The following FSHR variants were observed in gnomAD, a reference collection of about 807,000 sequenced individuals.
FSHR encodes follicle-stimulating hormone receptor.
In FSHR, 46 loss-of-function variants were observed where a neutral mutation model predicts 52.1. The ratio of observed to expected loss-of-function variants is 0.88; its 90% CI spans 0.70 to 1.13. The LOEUF is 1.13. Among genes scored for constraint, FSHR ranks in the 50% most tolerant of loss-of-function variants. The pLI is 0.00. For synonymous variants in FSHR, 399 were observed against 309.6 expected (o/e 1.29, Z -3.03); for missense variants, 964 against 834.6 (o/e 1.16, Z -1.91).
In FSHR at chr2:49,151,923, C is replaced by G. The variant is rs373899141; in HGVS notation, c.152+2343G>C. On this transcript the variant is annotated intron_variant, in intron 1 of 9. Transcript: ENST00000406846. ...TATCTACTCTTCAGTGATTAACACA[C>G]TGACCTGAAATAATTTTCCTTTTTT... 2.0e-5 allele frequency among the ~76,000 whole-genome samples: 3 copies of G among 152,232 alleles called. No individual in the cohort carries two copies. The East Asian group carries it at 5.8e-4, about 29-fold the overall frequency.
At chr2:49,042,367 A>G (rs576735197) in intron 2 of FSHR, among the ~76,000 whole-genome samples, 2 of 152,210 alleles carry the variant, frequency 1.3e-5, no homozygotes, top group African/African-American at 2.4e-5. Context: ...AGATTTTTGC[A>G]TGCTAAAGAA....
chr2:49,112,390 T>C (rs1335975613), intron 1 of FSHR, among the ~76,000 whole-genome samples: 6 of 152,290 alleles, frequency 3.9e-5, no homozygotes, highest in African/African-American at 9.6e-5. Flanking sequence ...TGTTTTAAAA[T>C]AATGCAGTAG....
chr2:49,034,704 C>T (rs72877835), intron 2 of FSHR, among the ~76,000 whole-genome samples: 4,824 of 152,212 alleles, frequency 0.032, 253 homozygotes, highest in African/African-American at 0.11. Context: ...TTTTCTTTGA[C>T]GATACTGCGA....
intron 5 of FSHR, among the ~76,000 whole-genome samples, chr2:48,990,071 G>A (rs909368912): frequency 2.6e-5 from 4 of 151,994 alleles, no homozygotes; most frequent in African/African-American, 9.7e-5. Context: ...TCACTATTGG[G>A]AATAGTTGCC....
chr2:49,075,302 A>G (rs1185311148), intron 1 of FSHR, among the ~76,000 whole-genome samples: 1 of 152,188 alleles, frequency 6.6e-6, no homozygotes, highest in Non-Finnish European at 1.5e-5. Context: ...ATAAATATGT[A>G]CAATTATTAT....
At chr2:49,068,680 T>C (rs901716744) in intron 1 of FSHR, among the ~76,000 whole-genome samples, 11 of 152,092 alleles carry the variant, frequency 7.2e-5, no homozygotes, top group African/African-American at 2.2e-4. Flanking sequence ...CAGCTGACCT[T>C]GCCTTCTATT....
intron 4 of FSHR, among the ~76,000 whole-genome samples, chr2:48,998,926 T>C (rs1676141632): frequency 6.6e-6 from 1 of 152,078 alleles, no homozygotes; most frequent in Non-Finnish European, 1.5e-5. Flanking sequence ...CTTTAAAATA[T>C]TATTTTTGTG....
At chr2:49,079,171 GA>G (rs566428975) in intron 1 of FSHR, among the ~76,000 whole-genome samples, 90 of 151,656 alleles carry the variant, frequency 5.9e-4, no homozygotes, top group South Asian at 1.0e-3. Context: ...ATTAGTCTAA[GA>G]AAAAAACAGG....
At chr2:49,123,987 C>A (rs541350314) in intron 1 of FSHR, among the ~76,000 whole-genome samples, 1 of 151,308 alleles carries the variant, frequency 6.6e-6, no homozygotes, top group East Asian at 1.9e-4. Context: ...TTGAGTTTTT[C>A]TTTCTTTTTT....
chr2:49,068,171 C>T, intron 2 of FSHR, 48 bp downstream of exon 2: 1 of 1,460,556 alleles, frequency 6.8e-7, no homozygotes, highest in Non-Finnish European at 9.6e-7. Flanking sequence ...GAGGTTGCTC[C>T]CTATAGCCCC....
At chr2:48,964,006 T>C (rs1674360721) in intron 9 of FSHR, 40 bp from the exon 10 acceptor site, 1 of 1,581,722 alleles carries the variant, frequency 6.3e-7, no homozygotes. Context: ...ACATCTCAGA[T>C]CCAGTATAGC....
intron 2 of FSHR, among the ~76,000 whole-genome samples, chr2:49,032,836 C>T (rs1300714754): frequency 6.6e-6 from 1 of 152,090 alleles, no homozygotes; most frequent in East Asian, 1.9e-4. Context: ...CTGTGAATAG[C>T]CACCCCCTTC....
chr2:49,122,463 A>AC (rs1671852579), intron 1 of FSHR, among the ~76,000 whole-genome samples: 1 of 152,166 alleles, frequency 6.6e-6, no homozygotes. Context: ...AATTCTCATT[A>AC]CCCAAAAGTC....
At chr2:49,148,263 T>A (rs1672940279) in intron 1 of FSHR, among the ~76,000 whole-genome samples, 1 of 151,922 alleles carries the variant, frequency 6.6e-6, no homozygotes, top group Admixed American at 6.6e-5. Context: ...CTAGTCAACG[T>A]CTCTTTCTTT....
At chr2:49,134,339 G>A (rs1672407273) in intron 1 of FSHR, among the ~76,000 whole-genome samples, 4 of 152,228 alleles carry the variant, frequency 2.6e-5, no homozygotes. Flanking sequence ...GGCCATCAGA[G>A]AAATGCAAAT....
chr2:49,080,035 A>C (rs1293367447), intron 1 of FSHR, among the ~76,000 whole-genome samples: 2 of 152,182 alleles, frequency 1.3e-5, no homozygotes, highest in African/African-American at 2.4e-5. Flanking sequence ...AAAAATTGGC[A>C]AAAGATATGA....
chr2:49,143,989 A>G (rs1473659797), intron 1 of FSHR, among the ~76,000 whole-genome samples: 1 of 152,168 alleles, frequency 6.6e-6, no homozygotes, highest in African/African-American at 2.4e-5. Flanking sequence ...CAGAACAGTC[A>G]TGGGAGTGCC....
intron 1 of FSHR, among the ~76,000 whole-genome samples, chr2:49,128,474 A>C (rs1307877331): frequency 6.7e-6 from 1 of 148,426 alleles, no homozygotes; most frequent in Non-Finnish European, 1.5e-5. Context: ...CCTAAACCTT[A>C]CAGTGAGCTG....
At chr2:49,088,709 G>C (rs1329598439) in intron 1 of FSHR, among the ~76,000 whole-genome samples, 2 of 152,118 alleles carry the variant, frequency 1.3e-5, no homozygotes, top group Non-Finnish European at 2.9e-5. Context: ...CATAAAGGTT[G>C]GTTTGGGGCT....
Sources: allele counts gnomAD v4.1 joint callset (sites outside exome capture counted in the v4.1 genomes callset), GRCh38; gene constraint gnomAD v4.1.1; transcripts MANE v1.5; gene names NCBI Gene and HGNC (gene_info 2026-07-23, HGNC 2026-07-21).